The following MCM5 variants were observed in gnomAD, a reference collection of about 807,000 sequenced individuals.
MCM5 encodes the protein DNA replication licensing factor MCM5.
In MCM5, 46 loss-of-function variants were observed where a neutral mutation model predicts 79.9. The ratio of observed to expected loss-of-function variants is 0.58; its 90% CI spans 0.45 to 0.74. The LOEUF is 0.74. Among genes scored for constraint, MCM5 ranks in the 30% least tolerant of loss-of-function variants. The probability of loss-of-function intolerance (pLI) is 0.00; values close to 1 mark genes in which losing one functional copy is unlikely to be tolerated. For synonymous variants in MCM5, 404 were observed against 390.5 expected (o/e 1.03, Z -0.41); for missense variants, 883 against 1,017.0 (o/e 0.87, Z 1.79).
chr22:35,436,651 T>C, the MCM5 span, among the ~76,000 whole-genome samples: 1 of 152,096 alleles, frequency 6.6e-6, no homozygotes, highest in Non-Finnish European at 1.5e-5. Context: ...GCAGAGCTGC[T>C]CAGCTCTCCC....
At chr22:35,402,727 A>G (rs1932096343) in intron 2 of MCM5, among the ~76,000 whole-genome samples, 1 of 152,068 alleles carries the variant, frequency 6.6e-6, no homozygotes, top group African/African-American at 2.4e-5. Context: ...TATTTTTAGT[A>G]GAGACTGGGT....
At chr22:35,434,983 C>T in the MCM5 span, among the ~76,000 whole-genome samples, 2 of 152,154 alleles carry the variant, frequency 1.3e-5, no homozygotes, top group East Asian at 1.9e-4. Flanking sequence ...AAAACCCCAT[C>T]TCTACTAAAA....
chr22:35,454,895 C>A, the MCM5 span, among the ~76,000 whole-genome samples: 1 of 152,104 alleles, frequency 6.6e-6, no homozygotes, highest in Admixed American at 6.6e-5. Context: ...CAGTAGCATC[C>A]TTCAGTTGTG....
the MCM5 span, among the ~76,000 whole-genome samples, chr22:35,454,840 T>C: frequency 1.3e-5 from 2 of 152,106 alleles, no homozygotes; most frequent in African/African-American, 4.8e-5. Flanking sequence ...TTCCCTGTGC[T>C]TGCAAAATGT....
the MCM5 span, among the ~76,000 whole-genome samples, chr22:35,453,819 T>TATATATATATATATATATAGAG: frequency 2.5e-5 from 2 of 81,534 alleles, no homozygotes; most frequent in Admixed American, 1.3e-4. Context: ...TATATATATA[T>TATATATATATATATATATAGAG]AGAGAGAGAG....
chr22:35,449,999 G>T, the MCM5 span, among the ~76,000 whole-genome samples: 4 of 152,084 alleles, frequency 2.6e-5, no homozygotes, highest in Non-Finnish European at 4.4e-5. Context: ...GCCCAGGCTG[G>T]TCTCAAACTT....
the MCM5 span, among the ~76,000 whole-genome samples, chr22:35,438,499 C>CCATCCATCCATCTATG: frequency 6.7e-6 from 1 of 149,256 alleles, no homozygotes; most frequent in Middle Eastern, 3.5e-3. Flanking sequence ...ATCCATCCAT[C>CCATCCATCCATCTATG]CATCCATCCA....
chr22:35,407,135 G>A (rs1161798974), intron 5 of MCM5, among the ~76,000 whole-genome samples: 6 of 152,206 alleles, frequency 3.9e-5, no homozygotes, highest in East Asian at 1.9e-4. Flanking sequence ...TACAAAGGCA[G>A]GGTATGTGGC....
At chr22:35,434,089 C>T in the MCM5 span, among the ~76,000 whole-genome samples, 3 of 152,244 alleles carry the variant, frequency 2.0e-5, no homozygotes, top group Middle Eastern at 0.01. Flanking sequence ...ATCCATTTTG[C>T]TGTGTGGATG....
the MCM5 span, among the ~76,000 whole-genome samples, chr22:35,453,817 T>TAGAGAGAGAGAG: frequency 2.8e-4 from 22 of 78,280 alleles, no homozygotes; most frequent in African/African-American, 4.6e-4. Flanking sequence ...TATATATATA[T>TAGAGAGAGAGAG]ATAGAGAGAG....
chr22:35,449,279 CA>C, the MCM5 span, among the ~76,000 whole-genome samples: 1 of 152,196 alleles, frequency 6.6e-6, no homozygotes, highest in Non-Finnish European at 1.5e-5. Flanking sequence ...ACGTTCTAGG[CA>C]AGCACAGAAA....
At chr22:35,402,036 G>A (rs1932069892) in intron 2 of MCM5, among the ~76,000 whole-genome samples, 1 of 152,190 alleles carries the variant, frequency 6.6e-6, no homozygotes, top group Admixed American at 6.5e-5. Context: ...ATACTGCGAG[G>A]CTGGGGAACA....
In MCM5 at chr22:35,424,588, G is replaced by T. The variant is rs1932760164; in HGVS notation, c.*333G>T. 9.2e-6 allele frequency: 2 copies of T among 218,510 alleles called. No individual in the cohort carries two copies. The highest frequency in any genetic ancestry group is 1.8e-5 in the Non-Finnish European group (2 of 111,000). The allele number at this position is 218,510 out of a possible 1,614,324, so 13.5% of individuals were successfully genotyped here. The stretch of plus-strand genomic sequence containing the variant: ...TGTGAGGGAACAGGGTCTGGAGGCA[G>T]ACTGGCCAGGGTTTCTGACTTGGAT... On this transcript the variant is annotated 3_prime_UTR_variant, in exon 17 of 17. Transcript: ENST00000216122.
chr22:35,404,962 C>T (rs966266234), intron 4 of MCM5, among the ~76,000 whole-genome samples: 7 of 151,336 alleles, frequency 4.6e-5, no homozygotes, highest in East Asian at 1.9e-4. Context: ...TAAAGAGAAT[C>T]GTATAACGAA....
At chr22:35,434,260 GA>G in the MCM5 span, among the ~76,000 whole-genome samples, 12 of 147,376 alleles carry the variant, frequency 8.1e-5, no homozygotes, top group East Asian at 5.9e-4. Context: ...TAATATGCTT[GA>G]AAAAAAAAAG....
chr22:35,420,045 A>T, intron 14 of MCM5, 33 bp downstream of exon 14: 1 of 1,580,994 alleles, frequency 6.3e-7, no homozygotes, highest in Non-Finnish European at 8.6e-7. Flanking sequence ...GCCATGGCAG[A>T]TGGGGCTTGC....
chr22:35,409,809 A>T (rs1569065848), intron 6 of MCM5: 1 of 152,276 alleles, frequency 6.6e-6, no homozygotes, highest in East Asian at 1.9e-4. Flanking sequence ...AAGTTATGTG[A>T]CTTTGTCAAG....
At chr22:35,446,066 C>T in the MCM5 span, among the ~76,000 whole-genome samples, 15 of 152,214 alleles carry the variant, frequency 9.9e-5, no homozygotes, top group African/African-American at 3.6e-4. Context: ...GTGGATTGGT[C>T]TCTATCTGTT....
chr22:35,408,347 T>G (rs2145788094), intron 5 of MCM5, 61 bp from the exon 6 acceptor site: 8 of 1,521,232 alleles, frequency 5.3e-6, no homozygotes, highest in African/African-American at 1.4e-5. Context: ...CTGGGATGAA[T>G]GAGCCCTGCC....
Sources: gnomAD v4.1 joint callset for allele counts (sites outside exome capture counted in the v4.1 genomes callset) on GRCh38, gnomAD v4.1.1 for gene constraint, MANE v1.5 for transcripts, NCBI Gene and HGNC (gene_info 2026-07-23, HGNC 2026-07-21) for gene names.